The following GRK5 variants were observed in gnomAD, a reference collection of about 807,000 sequenced individuals.
GRK5 encodes the protein G protein-coupled receptor kinase 5, also known as g protein-coupled receptor kinase GRK5.
A neutral mutation model predicts 78.4 loss-of-function variants in GRK5; 40 were observed. The ratio of observed to expected loss-of-function variants is 0.51; its 90% confidence interval spans 0.40 to 0.66. The LOEUF (loss-of-function observed/expected upper bound fraction) is 0.66. Ranked by LOEUF, GRK5 falls within the 30% of genes least tolerant of loss-of-function variation. GRK5 has a pLI of 0.00. For synonymous variants in GRK5, 289 were observed against 296.8 expected, an observed-to-expected ratio of 0.97 and a Z score of 0.27; for missense variants, 598 against 759.9, an observed-to-expected ratio of 0.79 and a Z score of 2.50.
chr10:119,437,782 A>G (rs1852952767), intron 9 of GRK5, among the ~76,000 whole-genome samples: 1 of 152,190 alleles, frequency 6.6e-6, no homozygotes, highest in South Asian at 2.1e-4. Context: ...GTTCTCCTTG[A>G]CCGTAAGTCT....
chr10:119,220,749 C>T (rs1848644107), intron 1 of GRK5, among the ~76,000 whole-genome samples: 1 of 151,624 alleles, frequency 6.6e-6, no homozygotes, highest in African/African-American at 2.4e-5. Flanking sequence ...ACAGGAGAAT[C>T]GCTTGAACCC....
chr10:119,314,701 C>T lies in GRK5; in HGVS notation c.53-11815C>T, dbSNP rs548859796. The stretch of plus-strand genomic sequence containing the variant: ...GGTCACAGGTATTTTGGCAGCCCTT[C>T]ATGTTTTCTTCTAAACCTCTCAATC... On this transcript the variant is annotated intron_variant, in intron 1 of 15. Coordinates refer to ENST00000392870, the MANE Select transcript of GRK5 (RefSeq NM_005308.3). Among the ~76,000 whole-genome samples the T allele has an allele frequency of 4.6e-5, 7 of 152,348 alleles. No individual in the cohort carries two copies. In the South Asian group the frequency reaches 1.4e-3, roughly 32 times the overall value.
chr10:119,309,645 A>G (rs1564885761), intron 1 of GRK5, among the ~76,000 whole-genome samples: 1 of 152,190 alleles, frequency 6.6e-6, no homozygotes, highest in Non-Finnish European at 1.5e-5. Flanking sequence ...CAGAGAGGGT[A>G]AGCAGCTTGC....
intron 1 of GRK5, among the ~76,000 whole-genome samples, chr10:119,245,286 A>G (rs79310110): frequency 0.032 from 4,926 of 152,256 alleles, 258 homozygotes; most frequent in African/African-American, 0.11. Context: ...TAAAAAAAAA[A>G]AGAATTCAAA....
chr10:119,421,897 T>A (rs187355213), intron 4 of GRK5, among the ~76,000 whole-genome samples: 1 of 152,148 alleles, frequency 6.6e-6, no homozygotes, highest in African/African-American at 2.4e-5. Flanking sequence ...AAGCCACTGA[T>A]TCCATTCACC....
rs1564917070 is a variant in GRK5 at position 119,394,345 on chromosome 10, GGC to G, written c.262-2349_262-2348del. ...GTGTGTATCTGTGTGTCTGTGTGTG[GGC>G]ATGTGGGTGTGTGGGTGTGTGTGGG... On this transcript the variant is annotated intron_variant, in intron 3 of 15. Transcript: ENST00000392870. Among the ~76,000 whole-genome samples the G allele has an allele frequency of 4.3e-3, 198 of 46,216 alleles. 29 individuals carry two copies. The highest frequency in any genetic ancestry group is 0.011 in the Middle Eastern group (1 of 90). The allele number at this position is 46,216 out of a possible 152,430, so 30.3% of individuals were successfully genotyped here.
At chr10:119,421,960 A>AC (rs1272153501) in intron 4 of GRK5, among the ~76,000 whole-genome samples, 1 of 151,904 alleles carries the variant, frequency 6.6e-6, no homozygotes, top group African/African-American at 2.4e-5. Flanking sequence ...AGGGATTGAC[A>AC]CCCCCGCCCA....
At chr10:119,434,259 T>G (rs2133898507) in intron 8 of GRK5, among the ~76,000 whole-genome samples, 1 of 152,268 alleles carries the variant, frequency 6.6e-6, no homozygotes. Flanking sequence ...ACCTCACATT[T>G]CAAAACCAAT....
intron 1 of GRK5, among the ~76,000 whole-genome samples, chr10:119,275,613 GCA>G (rs796867686): frequency 0.19 from 23,143 of 120,038 alleles, 1,930 homozygotes; most frequent in Middle Eastern, 0.29. Flanking sequence ...TCTCTCTCTC[GCA>G]CACACACACA....
intron 12 of GRK5, among the ~76,000 whole-genome samples, chr10:119,446,866 C>T (rs1458215108): frequency 6.6e-6 from 1 of 152,246 alleles, no homozygotes; most frequent in African/African-American, 2.4e-5. Flanking sequence ...CCAGCCGGTG[C>T]AGTGCCTGCC....
intron 3 of GRK5, among the ~76,000 whole-genome samples, chr10:119,388,189 A>G (rs1192755620): frequency 2.6e-5 from 4 of 152,022 alleles, no homozygotes; most frequent in Admixed American, 2.6e-4. Flanking sequence ...TTCTGGCCTC[A>G]AGTGATGCTT....
rs775020950 is a variant in GRK5, at chr10:119,439,780, C to G, written c.967+12C>G. 3 of 1,613,238 alleles carry G rather than the reference C, an allele frequency of 1.9e-6. No individual in the cohort carries two copies. The South Asian group carries it at 3.3e-5, about 18-fold the overall frequency. Reference sequence around the variant, plus strand: ...GTTAGATGATTATGGTAAGTCTTTTCCTACTCGGTAGCTGAGGTGAGCATT... The same window carrying G: ...GTTAGATGATTATGGTAAGTCTTTTGCTACTCGGTAGCTGAGGTGAGCATT... On this transcript the variant is annotated intron_variant, in intron 10 of 15. Transcript: ENST00000392870.
intron 1 of GRK5, among the ~76,000 whole-genome samples, chr10:119,318,607 G>A (rs1190609745): frequency 2.0e-5 from 3 of 152,072 alleles, no homozygotes; most frequent in African/African-American, 7.2e-5. Context: ...AGGGCTCTGG[G>A]GGCTGTAGGC....
chr10:119,326,203 G>A (rs1423728057), intron 1 of GRK5, among the ~76,000 whole-genome samples: 2 of 152,272 alleles, frequency 1.3e-5, no homozygotes, highest in Non-Finnish European at 2.9e-5. Context: ...GGCCCCTGCT[G>A]TGGGAAGGCT....
intron 1 of GRK5, among the ~76,000 whole-genome samples, chr10:119,232,343 G>T (rs1285671780): frequency 6.6e-6 from 1 of 152,144 alleles, no homozygotes; most frequent in East Asian, 1.9e-4. Flanking sequence ...AGGGGGAAGG[G>T]GATAGAGAAA....
chr10:119,265,801 T>C (rs1444777686), intron 1 of GRK5, among the ~76,000 whole-genome samples: 2 of 152,248 alleles, frequency 1.3e-5, no homozygotes, highest in African/African-American at 2.4e-5. Context: ...CCCTGGGCCC[T>C]GCAGGTTCTT....
chr10:119,399,198 GC>G (rs1290876703), intron 4 of GRK5, among the ~76,000 whole-genome samples: 2 of 152,216 alleles, frequency 1.3e-5, no homozygotes, highest in Non-Finnish European at 2.9e-5. Context: ...AAAAATTTAA[GC>G]CACACCATAT....
At chr10:119,219,108 C>T (rs972366046) in intron 1 of GRK5, among the ~76,000 whole-genome samples, 6 of 152,112 alleles carry the variant, frequency 3.9e-5, no homozygotes, top group Non-Finnish European at 8.8e-5. Flanking sequence ...AGGATGGTCT[C>T]GATCTCCTGA....
chr10:119,394,209 T>TA (rs1274046013), intron 3 of GRK5, among the ~76,000 whole-genome samples: 1 of 150,908 alleles, frequency 6.6e-6, no homozygotes, highest in Non-Finnish European at 1.5e-5. Flanking sequence ...TGTGTATCTG[T>TA]GTGTGGGTAC....
Sources: gnomAD v4.1 joint callset for allele counts (sites outside exome capture counted in the v4.1 genomes callset) on GRCh38, gnomAD v4.1.1 for gene constraint, MANE v1.5 for transcripts, NCBI Gene and HGNC (gene_info 2026-07-23, HGNC 2026-07-21) for gene names.